The following NEDD9 variants were observed in gnomAD, a reference collection of about 807,000 sequenced individuals.
NEDD9 encodes the protein neural precursor cell expressed, developmentally down-regulated 9, also known as enhancer of filamentation 1.
NEDD9 carries 26 observed loss-of-function variants against 76.6 expected under a neutral mutation model. The ratio of observed to expected loss-of-function variants is 0.34; its 90% confidence interval spans 0.25 to 0.47. The LOEUF is 0.47. Ranked by LOEUF, NEDD9 falls within the 20% of genes least tolerant of loss-of-function variation. The pLI, the probability that NEDD9 is intolerant of heterozygous loss-of-function variation, is 1.00. For missense variants in NEDD9, 937 were observed against 1,058.5 expected, an observed-to-expected ratio of 0.89 and a Z score of 1.59; for synonymous variants, 392 against 414.2, an observed-to-expected ratio of 0.95 and a Z score of 0.65.
At chr6:11,334,262 T>C (rs1212937989) in intron 2 of NEDD9, among the ~76,000 whole-genome samples, 2 of 152,254 alleles carry the variant, frequency 1.3e-5, no homozygotes, top group African/African-American at 2.4e-5. Flanking sequence ...AGAATGCTTA[T>C]TTCTGAGTAA....
intron 3 of NEDD9, chr6:11,259,236 C>T (rs1760060257): frequency 1.3e-5 from 2 of 152,202 alleles, no homozygotes; most frequent in Non-Finnish European, 2.9e-5. Flanking sequence ...GTGTACCCTC[C>T]ACCTGGAGCC....
intron 1 of NEDD9, among the ~76,000 whole-genome samples, chr6:11,341,815 T>C (rs1286469660): frequency 2.0e-5 from 3 of 152,192 alleles, no homozygotes; most frequent in African/African-American, 7.2e-5. Context: ...ACAAGGGTAG[T>C]GTAATCCATA....
chr6:11,319,969 G>A (rs941998669), intron 2 of NEDD9, among the ~76,000 whole-genome samples: 48 of 152,112 alleles, frequency 3.2e-4, no homozygotes, highest in Non-Finnish European at 5.1e-4. Flanking sequence ...TAGAAGAGAG[G>A]AAAAAAATAT....
Position 11,228,423 on chromosome 6 carries a change from A to T in NEDD9, c.12+4081T>A, listed in dbSNP as rs1967812. ...TGGGCACCTGTAATCCCAGCTACTC[A>T]GGAGGCCGAGACAGGAGAATCACTT... On this transcript the variant is annotated intron_variant, in intron 1 of 6. Coordinates refer to ENST00000379446, the MANE Select transcript of NEDD9 (RefSeq NM_006403.4). 9.2e-3 allele frequency among the ~76,000 whole-genome samples: 1,391 copies of T among 151,874 alleles called. 20 individuals are homozygous for T. Among genetic ancestry groups the T allele is most frequent in the African/African-American group, 0.032 (1,317 of 41,404 alleles).
intron 2 of NEDD9, among the ~76,000 whole-genome samples, chr6:11,316,131 A>G (rs1761549133): frequency 6.6e-6 from 1 of 152,184 alleles, no homozygotes; most frequent in African/African-American, 2.4e-5. Flanking sequence ...ATTTACAAGG[A>G]CTTTCAACTG....
intron 3 of NEDD9, among the ~76,000 whole-genome samples, chr6:11,281,117 G>A (rs867798285): frequency 3.9e-5 from 6 of 152,208 alleles, no homozygotes; most frequent in Admixed American, 6.5e-5. Flanking sequence ...TCATTGCTGT[G>A]GAAGAAAGAT....
intron 1 of NEDD9, among the ~76,000 whole-genome samples, chr6:11,377,985 G>A (rs1461302439): frequency 6.6e-6 from 1 of 152,202 alleles, no homozygotes; most frequent in Non-Finnish European, 1.5e-5. Flanking sequence ...GCTCATGCCT[G>A]TAACCCCAGC....
chr6:11,267,936 C>T (rs75067115), intron 3 of NEDD9, among the ~76,000 whole-genome samples: 9 of 152,328 alleles, frequency 5.9e-5, no homozygotes, highest in African/African-American at 1.9e-4. Context: ...AGGCTTCACC[C>T]TACAACAGAT....
At chr6:11,368,619 C>G (rs1428682114) in intron 1 of NEDD9, among the ~76,000 whole-genome samples, 1 of 152,234 alleles carries the variant, frequency 6.6e-6, no homozygotes, top group African/African-American at 2.4e-5. Flanking sequence ...TTAAAAAACC[C>G]TCCTTCTATT....
chr6:11,329,850 C>G (rs888418168), intron 2 of NEDD9, among the ~76,000 whole-genome samples: 27 of 152,254 alleles, frequency 1.8e-4, no homozygotes, highest in African/African-American at 5.1e-4. Flanking sequence ...TCCCCACCCC[C>G]AACAAAGAAG....
intron 5 of NEDD9, among the ~76,000 whole-genome samples, chr6:11,188,854 C>T (rs11751998): frequency 0.12 from 18,437 of 152,040 alleles, 1,497 homozygotes; most frequent in Non-Finnish European, 0.18. Context: ...ATAATAGTTA[C>T]GTAGTTCTCA....
chr6:11,303,391 T>C (rs1430868755), intron 3 of NEDD9, among the ~76,000 whole-genome samples: 1 of 152,184 alleles, frequency 6.6e-6, no homozygotes, highest in African/African-American at 2.4e-5. Flanking sequence ...GGAAGAACAT[T>C]CCATGTTCAT....
intron 3 of NEDD9, among the ~76,000 whole-genome samples, chr6:11,240,041 TCAAA>T (rs1561803090): frequency 1.3e-5 from 1 of 79,390 alleles, no homozygotes; most frequent in Non-Finnish European, 2.3e-5. Flanking sequence ...AGACTTCATC[TCAAA>T]AAAAAAAAAA....
At chr6:11,327,862 ATTC>A (rs144146716) in intron 2 of NEDD9, among the ~76,000 whole-genome samples, 1,902 of 152,338 alleles carry the variant, frequency 0.012, 31 homozygotes, top group African/African-American at 0.043. Flanking sequence ...ACCTGGGAGA[ATTC>A]TTAGGGTGTA....
chr6:11,216,644 C>T (rs200179471), intron 1 of NEDD9, among the ~76,000 whole-genome samples: 3 of 152,224 alleles, frequency 2.0e-5, no homozygotes, highest in East Asian at 3.9e-4. Flanking sequence ...TGGATATTTG[C>T]GGTCTTAGGT....
chr6:11,312,495 C>T (rs927582289), intron 2 of NEDD9, among the ~76,000 whole-genome samples: 6 of 152,118 alleles, frequency 3.9e-5, no homozygotes, highest in African/African-American at 1.4e-4. Context: ...ACTGCATTGG[C>T]CCTTGAGACT....
intron 2 of NEDD9, among the ~76,000 whole-genome samples, chr6:11,205,491 C>T (rs1485186549): frequency 6.6e-6 from 1 of 152,156 alleles, no homozygotes; most frequent in Admixed American, 6.5e-5. Context: ...CCAAGTATTA[C>T]AAAAATTAAT....
intron 2 of NEDD9, among the ~76,000 whole-genome samples, chr6:11,208,312 A>G (rs769288238): frequency 5.0e-4 from 76 of 152,182 alleles, no homozygotes; most frequent in Admixed American, 9.8e-4. Flanking sequence ...CATGCTTTGC[A>G]TCAAGGTGCT....
At chr6:11,307,027 C>A (rs910557660) in intron 2 of NEDD9, among the ~76,000 whole-genome samples, 2 of 152,118 alleles carry the variant, frequency 1.3e-5, no homozygotes, top group African/African-American at 4.8e-5. Flanking sequence ...CCACACGGGG[C>A]ACGTGAATAT....
Sources: allele counts gnomAD v4.1 joint callset (sites outside exome capture counted in the v4.1 genomes callset), GRCh38; gene constraint gnomAD v4.1.1; transcripts MANE v1.5; gene names NCBI Gene and HGNC (gene_info 2026-07-23, HGNC 2026-07-21).